Variants in SYT1 observed in about 807,000 individuals in gnomAD.
SYT1 encodes synaptotagmin 1, also known as synaptotagmin-1.
SYT1 carries 8 observed loss-of-function variants against 44.8 expected under a neutral mutation model. The ratio of observed to expected loss-of-function variants is 0.18; its 90% CI spans 0.10 to 0.32. The LOEUF (loss-of-function observed/expected upper bound fraction) is 0.32. Among genes scored for constraint, SYT1 ranks in the 10% least tolerant of loss-of-function variants. The pLI, the probability that SYT1 is intolerant of heterozygous loss-of-function variation, is 1.00. For missense variants in SYT1, 286 were observed against 509.3 expected (o/e 0.56, Z 4.22); for synonymous variants, 154 against 188.8 (o/e 0.82, Z 1.51).
intron 9 of SYT1, among the ~76,000 whole-genome samples, chr12:79,374,047 A>G (rs1000799429): frequency 6.6e-6 from 1 of 152,222 alleles, no homozygotes; most frequent in Non-Finnish European, 1.5e-5. Flanking sequence ...AACAGCAAAT[A>G]AAGTGCAGGC....
chr12:78,991,562 T>C (rs1024441975), intron 2 of SYT1, among the ~76,000 whole-genome samples: 1 of 152,122 alleles, frequency 6.6e-6, no homozygotes, highest in Non-Finnish European at 1.5e-5. Context: ...AAGAGAAGAA[T>C]TCATGATTTG....
At chr12:78,881,302 T>C (rs1874440453) in intron 1 of SYT1, among the ~76,000 whole-genome samples, 1 of 151,682 alleles carries the variant, frequency 6.6e-6, no homozygotes, top group Admixed American at 6.6e-5. Flanking sequence ...GGTCTGTTTC[T>C]CAAAGAAATT....
At chr12:79,091,250 A>G (rs1219849191) in intron 3 of SYT1, among the ~76,000 whole-genome samples, 2 of 152,004 alleles carry the variant, frequency 1.3e-5, no homozygotes, top group South Asian at 4.1e-4. Context: ...ACATTTTGAG[A>G]TAAGACATTA....
At chr12:78,962,527 T>C (rs145541309) in intron 1 of SYT1, among the ~76,000 whole-genome samples, 226 of 152,126 alleles carry the variant, frequency 1.5e-3, no homozygotes, top group African/African-American at 4.3e-3. Flanking sequence ...TGTAAAGAGA[T>C]TGGACCAATT....
chr12:78,934,216 G>C (rs1365931670), intron 1 of SYT1, among the ~76,000 whole-genome samples: 1 of 151,748 alleles, frequency 6.6e-6, no homozygotes, highest in Non-Finnish European at 1.5e-5. Context: ...TGGTCTGGCT[G>C]TGTCCCCATC....
At chr12:79,110,499 A>G (rs1878954725) in intron 3 of SYT1, among the ~76,000 whole-genome samples, 1 of 152,148 alleles carries the variant, frequency 6.6e-6, no homozygotes, top group Non-Finnish European at 1.5e-5. Flanking sequence ...ACGAAAATCT[A>G]GAAAACATTT....
At chr12:79,173,762 C>A (rs975492201) in intron 3 of SYT1, among the ~76,000 whole-genome samples, 1 of 151,910 alleles carries the variant, frequency 6.6e-6, no homozygotes, top group South Asian at 2.1e-4. Context: ...TCAAAAAGGA[C>A]CCAGTTAACA....
At chr12:79,228,408 C>T (rs960212091) in intron 4 of SYT1, among the ~76,000 whole-genome samples, 6 of 152,134 alleles carry the variant, frequency 3.9e-5, no homozygotes, top group South Asian at 2.1e-4. Context: ...TGTACAATTA[C>T]GAGGGTTATT....
intron 1 of SYT1, among the ~76,000 whole-genome samples, chr12:78,937,850 TCTCTGAAAG>T (rs1019242917): frequency 9.9e-5 from 15 of 152,196 alleles, no homozygotes; most frequent in African/African-American, 3.6e-4. Flanking sequence ...AATTTTTATT[TCTCTGAAAG>T]CCAGAGCTCT....
intron 3 of SYT1, among the ~76,000 whole-genome samples, chr12:79,202,557 A>T (rs1168035162): frequency 6.6e-6 from 1 of 152,194 alleles, no homozygotes; most frequent in Non-Finnish European, 1.5e-5. Context: ...GAAGCAAAAG[A>T]AAAGGAACTC....
chr12:79,435,608 G>T (rs1870045978), intron 9 of SYT1, among the ~76,000 whole-genome samples: 1 of 152,106 alleles, frequency 6.6e-6, no homozygotes, highest in Non-Finnish European at 1.5e-5. Flanking sequence ...TCCTGCTAGG[G>T]TATTGTCTTC....
At chr12:79,138,205 T>C (rs1869321624) in intron 3 of SYT1, among the ~76,000 whole-genome samples, 1 of 152,162 alleles carries the variant, frequency 6.6e-6, no homozygotes, top group South Asian at 2.1e-4. Flanking sequence ...GTTCATGAAA[T>C]ATTACTAAAA....
At chr12:79,111,535 G>A (rs917096115) in intron 3 of SYT1, among the ~76,000 whole-genome samples, 3 of 151,680 alleles carry the variant, frequency 2.0e-5, no homozygotes, top group Admixed American at 6.6e-5. Context: ...AAACTATCAC[G>A]ATGCCTCCCA....
chr12:79,403,299 G>A (rs762037676), intron 9 of SYT1, among the ~76,000 whole-genome samples: 7 of 151,840 alleles, frequency 4.6e-5, no homozygotes, highest in South Asian at 2.1e-4. Flanking sequence ...AGAGAGAGAG[G>A]CTTTATCTTA....
chr12:79,130,423 G>A (rs17005242), intron 3 of SYT1, among the ~76,000 whole-genome samples: 17,013 of 152,090 alleles, frequency 0.11, 1,022 homozygotes, highest in African/African-American at 0.12. Context: ...TCTCACCATC[G>A]TATTGTTCAT....
intron 3 of SYT1, among the ~76,000 whole-genome samples, chr12:79,108,250 T>A (rs1225260612): frequency 3.3e-5 from 5 of 151,994 alleles, no homozygotes; most frequent in Non-Finnish European, 7.4e-5. Flanking sequence ...TTTACTTTCT[T>A]CTGACTGTAT....
At chr12:79,009,756 T>C (rs554615887) in intron 2 of SYT1, among the ~76,000 whole-genome samples, 2 of 152,154 alleles carry the variant, frequency 1.3e-5, no homozygotes, top group African/African-American at 4.8e-5. Context: ...TTCACTTGCA[T>C]CTCTTCTTTG....
At chr12:79,036,655 A>G (rs1194493994) in intron 2 of SYT1, 2 of 151,856 alleles carry the variant, frequency 1.3e-5, no homozygotes, top group Non-Finnish European at 2.9e-5. Context: ...TCATGCATAC[A>G]AAAACCATAA....
intron 4 of SYT1, 32 bp downstream of exon 4, chr12:79,217,717 A>G: frequency 2.6e-6 from 4 of 1,561,576 alleles, no homozygotes; most frequent in Non-Finnish European, 3.5e-6. Context: ...TTGAGTAAAA[A>G]TAAGTGGTTG....
Sources: allele counts gnomAD v4.1 joint callset (sites outside exome capture counted in the v4.1 genomes callset), GRCh38; gene constraint gnomAD v4.1.1; transcripts MANE v1.5; gene names NCBI Gene and HGNC (gene_info 2026-07-23, HGNC 2026-07-21).